SCAF8: variants seen among roughly 807,000 people sequenced by gnomAD.
The protein encoded by SCAF8 is SR-related and CTD-associated factor 8.
Under a neutral mutation model 140.5 loss-of-function variants are expected in SCAF8, and 23 were observed. The ratio of observed to expected loss-of-function variants is 0.16; its 90% CI spans 0.12 to 0.23. The LOEUF is 0.23. SCAF8 is among the 10% of genes least tolerant of loss of function. The pLI is 1.00. For missense variants in SCAF8, 1,397 were observed against 1,555.7 expected (o/e 0.90, Z 1.72); for synonymous variants, 575 against 528.9 (o/e 1.09, Z -1.20).
intron 1 of SCAF8, among the ~76,000 whole-genome samples, chr6:154,735,015 T>C (rs987832261): frequency 6.6e-6 from 1 of 151,866 alleles, no homozygotes; most frequent in African/African-American, 2.4e-5. Flanking sequence ...TCCCAGCTAC[T>C]TAGGAGGCTG....
At chr6:154,771,363 A>G (rs1255347200) in intron 1 of SCAF8, among the ~76,000 whole-genome samples, 2 of 152,166 alleles carry the variant, frequency 1.3e-5, no homozygotes, top group East Asian at 3.9e-4. Context: ...AATAGAGGAA[A>G]CAAGCCTATT....
intron 1 of SCAF8, among the ~76,000 whole-genome samples, chr6:154,770,540 C>G (rs553236860): frequency 6.6e-6 from 1 of 151,798 alleles, no homozygotes; most frequent in African/African-American, 2.4e-5. Context: ...CACTGTACCA[C>G]TCCAGCCTGG....
rs1210929186 is a variant in SCAF8 at position 154,833,544 on chromosome 6, A to G, written c.*149A>G. Reference sequence around the variant, plus strand: ...TTCACCTTTCTCTTAAAATAATTGTACAACTGACTTGTATAGACATTGTTC... The same window carrying G: ...TTCACCTTTCTCTTAAAATAATTGTGCAACTGACTTGTATAGACATTGTTC... On this transcript the variant is annotated 3_prime_UTR_variant, in exon 20 of 20. Coordinates refer to ENST00000367178, the MANE Select transcript of SCAF8 (RefSeq NM_014892.5). 3 of 740,762 alleles carry G rather than the reference A, an allele frequency of 4.0e-6. No individual in the cohort carries two copies. Among genetic ancestry groups the G allele is most frequent in the Non-Finnish European group, 6.5e-6 (3 of 461,678 alleles). The allele number at this position is 740,762 out of a possible 1,614,324, so 45.9% of individuals were successfully genotyped here.
chr6:154,756,403 A>G (rs1778967320), intron 1 of SCAF8, among the ~76,000 whole-genome samples: 2 of 152,188 alleles, frequency 1.3e-5, no homozygotes, highest in African/African-American at 4.8e-5. Context: ...GCTCTACCTC[A>G]GTAGATTGTT....
intron 1 of SCAF8, among the ~76,000 whole-genome samples, chr6:154,741,705 C>T (rs1422775265): frequency 9.9e-5 from 15 of 152,120 alleles, no homozygotes; most frequent in Admixed American, 7.2e-4. Context: ...CCGCGCCCGG[C>T]CCGTTTGCAT....
In SCAF8 at chr6:154,733,558, A is replaced by T; in HGVS notation, c.-343A>T. The T allele has an allele frequency of 7.8e-7, 1 of 1,283,964 alleles. No homozygotes were observed. Among genetic ancestry groups the T allele is most frequent in the Non-Finnish European group, 9.8e-7 (1 of 1,017,024 alleles). 79.5% of individuals were successfully genotyped at this position (1,283,964 alleles called of 1,614,324 possible). ...CAGAAGGGAGTGGAGAGTGTAGGGG[A>T]AGGGGCTAGAGGGAGGGGGACCGAA... On this transcript the variant is annotated 5_prime_UTR_variant, in exon 1 of 20. Coordinates refer to ENST00000367178, the MANE Select transcript of SCAF8 (RefSeq NM_014892.5).
chr6:154,832,814 C>T lies in SCAF8; in HGVS notation c.3235C>T (p.Leu1079Phe). 6.2e-7 allele frequency: 1 copy of T among 1,613,930 alleles called. No individual in the cohort carries two copies. The highest frequency in any genetic ancestry group is 8.5e-7 in the Non-Finnish European group (1 of 1,179,996). The change falls in exon 20 of 20, where the codon CTT becomes TTT. Residue 1079 changes from leucine (L) to phenylalanine (F), a missense_variant. Leu to Phe is a conservative substitution (Grantham distance 22, BLOSUM62 0). Coordinates refer to ENST00000367178, the MANE Select transcript of SCAF8 (RefSeq NM_014892.5). ...TCTTGTGAGGCCAGGTATAGATCAT[C>T]TTGGTCGAAGAGACCACTTTGGCTT... ...ENLVRPGIDH[L>F]GRRDHFGFNP...
chr6:154,770,388 A>ACTCTCTCTCTCTCTCTCTCT (rs58596375), intron 1 of SCAF8, among the ~76,000 whole-genome samples: 11 of 141,998 alleles, frequency 7.7e-5, no homozygotes, highest in African/African-American at 2.9e-4. Context: ...ACACACACAC[A>ACTCTCTCTCTCTCTCTCTCT]CTCTCTCTCT....
rs1340638106 is a variant in SCAF8, at chr6:154,773,973, GTTC to G, written c.31-13_31-11del. The G allele has an allele frequency of 6.4e-7, 1 of 1,567,498 alleles. No individual in the cohort carries two copies. Among genetic ancestry groups the G allele is most frequent in the South Asian group, 1.1e-5 (1 of 87,558 alleles). ...GGAGAGTTTTGCTGTATGTAAATTT[GTTC>G]TTTTTTCATCAGTTGTATTCCCTGA... On this transcript the variant is annotated splice_polypyrimidine_tract_variant and intron_variant, in intron 1 of 19. Transcript: ENST00000367178.
Position 154,794,778 on chromosome 6 carries a change from GGGGTGTGTGTGTGT to G in SCAF8, c.476-229_476-216del, listed in dbSNP as rs1562449837. On this transcript the variant is annotated intron_variant, in intron 5 of 19. Transcript: ENST00000367178. ...TTTTGGTGGGGGGGGGGGGGTGTGG[GGGGTGTGTGTGTGT>G]GTGTGTGTGTGTGTGTGTGTGTGTG... Among the ~76,000 whole-genome samples the G allele has an allele frequency of 3.8e-3, 260 of 68,518 alleles. 12 individuals are homozygous for G. The highest frequency in any genetic ancestry group is 7.1e-3 in the African/African-American group (98 of 13,822). 45.0% of individuals were successfully genotyped at this position (68,518 alleles called of 152,430 possible).
At chr6:154,739,270 G>C (rs1353428879) in intron 1 of SCAF8, among the ~76,000 whole-genome samples, 1 of 152,106 alleles carries the variant, frequency 6.6e-6, no homozygotes. Flanking sequence ...GGGATTACAG[G>C]TGTGGGCCAC....
Position 154,798,902 on chromosome 6 carries a change from C to T in SCAF8, c.607-3069C>T, listed in dbSNP as rs190743542. ...GCATCTTTGAACTCCTGGACTGAAGCGATCCTCCCGCCTCAGCCTCCCAAG... is the reference window on the plus strand; with the variant it reads ...GCATCTTTGAACTCCTGGACTGAAGTGATCCTCCCGCCTCAGCCTCCCAAG... On this transcript the variant is annotated intron_variant, in intron 6 of 19. Transcript: ENST00000367178. 3.0e-3 allele frequency among the ~76,000 whole-genome samples: 455 copies of T among 151,402 alleles called. 6 individuals are homozygous for T. Among genetic ancestry groups the T allele is most frequent in the African/African-American group, 0.011 (438 of 41,482 alleles).
intron 15 of SCAF8, chr6:154,822,061 T>C (rs1274842223): frequency 2.5e-6 from 1 of 402,820 alleles, no homozygotes; most frequent in Non-Finnish European, 4.4e-6. Flanking sequence ...TTAGTGTCTT[T>C]CCTTTGTGTC....
Position 154,808,212 on chromosome 6 carries a change from A to C in SCAF8, c.1113+11A>C. The C allele has an allele frequency of 6.2e-7, 1 of 1,611,062 alleles. No homozygotes were observed. The highest frequency in any genetic ancestry group is 8.5e-7 in the Non-Finnish European group (1 of 1,178,404). On this transcript the variant is annotated intron_variant, in intron 10 of 19. Transcript: ENST00000367178. ...GATATTCAGCAACAGGTAAAAGTAAATGTTTTTCTGGGTCATAAATTTCTA... is the reference window on the plus strand; with the variant it reads ...GATATTCAGCAACAGGTAAAAGTAACTGTTTTTCTGGGTCATAAATTTCTA...
chr6:154,767,218 C>G (rs1278867602), intron 1 of SCAF8, among the ~76,000 whole-genome samples: 1 of 152,168 alleles, frequency 6.6e-6, no homozygotes, highest in Non-Finnish European at 1.5e-5. Context: ...TGTCTTCTGT[C>G]TTTTCCTATC....
At chr6:154,828,922 A>G (rs554933995) in intron 18 of SCAF8, among the ~76,000 whole-genome samples, 20 of 152,378 alleles carry the variant, frequency 1.3e-4, no homozygotes, top group African/African-American at 4.8e-4. Flanking sequence ...CAATATAGAC[A>G]TACACATAGT....
chr6:154,831,508 A>G (rs1324303740), intron 19 of SCAF8, among the ~76,000 whole-genome samples: 1 of 152,128 alleles, frequency 6.6e-6, no homozygotes, highest in East Asian at 1.9e-4. Flanking sequence ...TCTAATAGGT[A>G]TTATCCAGCT....
chr6:154,788,703 A>G (rs974499710), intron 4 of SCAF8, among the ~76,000 whole-genome samples: 3 of 152,204 alleles, frequency 2.0e-5, no homozygotes, highest in Non-Finnish European at 4.4e-5. Flanking sequence ...TTCTTCTATT[A>G]TGGTAGAATT....
chr6:154,828,496 A>AT lies in SCAF8; in HGVS notation c.2140+1261dup, dbSNP rs572295445. ...TTCTTTAGTATTTATGGATTAATGG[A>AT]TTTTTACTTCTAGTCAGTTGCATTT... On this transcript the variant is annotated intron_variant, in intron 18 of 19. Transcript: ENST00000367178. 3.1e-4 allele frequency among the ~76,000 whole-genome samples: 45 copies of AT among 147,056 alleles called. No individual in the cohort carries two copies. In the East Asian group the frequency reaches 6.4e-3, roughly 21 times the overall value.
Sources: gnomAD v4.1 joint callset for allele counts (sites outside exome capture counted in the v4.1 genomes callset) on GRCh38, gnomAD v4.1.1 for gene constraint, MANE v1.5 for transcripts, NCBI Gene and HGNC (gene_info 2026-07-23, HGNC 2026-07-21) for gene names.